The following SKIC3 variants were observed in gnomAD, a reference collection of about 807,000 sequenced individuals.
SKIC3 encodes superkiller complex protein 3.
the SKIC3 span, among the ~76,000 whole-genome samples, chr5:95,511,531 G>A: frequency 6.6e-6 from 1 of 152,164 alleles, no homozygotes; most frequent in Non-Finnish European, 1.5e-5. Context: ...GCCTAGTCTA[G>A]TGCCTCAGGC....
At chr5:95,501,197 A>G in the SKIC3 span, among the ~76,000 whole-genome samples, 8 of 152,180 alleles carry the variant, frequency 5.3e-5, no homozygotes, top group South Asian at 1.7e-3. Context: ...CAAAGGAAAA[A>G]AAATCTACCT....
the SKIC3 span, among the ~76,000 whole-genome samples, chr5:95,489,203 C>T: frequency 1.7e-4 from 26 of 151,584 alleles, no homozygotes; most frequent in Middle Eastern, 3.4e-3. Context: ...ACTTGGGAGG[C>T]GGAGGCAGGA....
At chr5:95,496,272 C>T in the SKIC3 span, among the ~76,000 whole-genome samples, 5 of 152,142 alleles carry the variant, frequency 3.3e-5, no homozygotes, top group African/African-American at 1.2e-4. Flanking sequence ...CCCTCCTTGG[C>T]CTTCCAAAGT....
chr5:95,523,144 T>C, the SKIC3 span: 1 of 1,607,328 alleles, frequency 6.2e-7, no homozygotes, highest in East Asian at 2.2e-5. Context: ...TTAAAATGCT[T>C]AATTTAAGGA....
At chr5:95,474,648 T>C in the SKIC3 span, among the ~76,000 whole-genome samples, 1 of 152,206 alleles carries the variant, frequency 6.6e-6, no homozygotes, top group African/African-American at 2.4e-5. Context: ...CTGTATTTCT[T>C]GGATTTCTAT....
At chr5:95,490,965 T>C in the SKIC3 span, 2 of 1,613,976 alleles carry the variant, frequency 1.2e-6, no homozygotes, top group African/African-American at 1.3e-5. Context: ...TTTGGCTGAG[T>C]GTTGTTCACT....
At chr5:95,478,375 A>G in the SKIC3 span, 7 of 1,613,912 alleles carry the variant, frequency 4.3e-6, no homozygotes, top group African/African-American at 1.3e-5. Context: ...TGCCAATTGT[A>G]GACTCTTTCT....
At chr5:95,551,034 G>A in the SKIC3 span, among the ~76,000 whole-genome samples, 2 of 151,960 alleles carry the variant, frequency 1.3e-5, no homozygotes, top group South Asian at 2.1e-4. Flanking sequence ...AGACAACTAA[G>A]GGTACTTATT....
At chr5:95,516,339 G>A in the SKIC3 span, 3 of 1,612,376 alleles carry the variant, frequency 1.9e-6, no homozygotes, top group Non-Finnish European at 2.5e-6. Context: ...ATGACAGACA[G>A]GCAACATATT....
At chr5:95,513,465 T>C in the SKIC3 span, 1 of 1,231,198 alleles carries the variant, frequency 8.1e-7, no homozygotes, top group Admixed American at 1.8e-5. Context: ...ATCACTGGGA[T>C]TACAGGCATA....
At chr5:95,464,674 A>T in the SKIC3 span, 15 of 1,612,806 alleles carry the variant, frequency 9.3e-6, no homozygotes, top group Non-Finnish European at 1.2e-5. Flanking sequence ...GGCATTGTTT[A>T]CCAGCACCTA....
chr5:95,490,838 T>C, the SKIC3 span: 2 of 1,592,290 alleles, frequency 1.3e-6, no homozygotes, highest in East Asian at 2.2e-5. Flanking sequence ...CTGAAGCCGT[T>C]TGTATTCTGG....
chr5:95,519,820 T>C, the SKIC3 span, among the ~76,000 whole-genome samples: 38 of 152,000 alleles, frequency 2.5e-4, no homozygotes, highest in African/African-American at 9.2e-4. Flanking sequence ...ATAGCTAAGG[T>C]ACTGTCACCC....
chr5:95,480,716 T>C, the SKIC3 span, among the ~76,000 whole-genome samples: 18 of 152,262 alleles, frequency 1.2e-4, no homozygotes, highest in East Asian at 1.9e-3. Context: ...TTATTCATGC[T>C]AGACAAAACC....
At chr5:95,509,960 A>T in the SKIC3 span, among the ~76,000 whole-genome samples, 1 of 152,222 alleles carries the variant, frequency 6.6e-6, no homozygotes, top group East Asian at 1.9e-4. Context: ...TTGAAATTAT[A>T]GTTCTTGTTA....
the SKIC3 span, among the ~76,000 whole-genome samples, chr5:95,499,539 T>C: frequency 6.6e-6 from 1 of 152,190 alleles, no homozygotes; most frequent in African/African-American, 2.4e-5. Context: ...TGAGAACTAA[T>C]ACACTAAGTT....
At chr5:95,534,011 T>C in the SKIC3 span, among the ~76,000 whole-genome samples, 3 of 152,092 alleles carry the variant, frequency 2.0e-5, no homozygotes, top group Admixed American at 1.3e-4. Flanking sequence ...AAACCATAAA[T>C]AGCTGAATAG....
the SKIC3 span, among the ~76,000 whole-genome samples, chr5:95,473,524 C>T: frequency 4.6e-5 from 7 of 152,332 alleles, no homozygotes; most frequent in East Asian, 1.3e-3. Flanking sequence ...GATCCACCCG[C>T]TTTGGCCTCC....
the SKIC3 span, chr5:95,509,699 G>T: frequency 6.4e-7 from 1 of 1,560,710 alleles, no homozygotes; most frequent in Non-Finnish European, 8.8e-7. Flanking sequence ...TAGAAAATGA[G>T]AAATATCTTC....
Sources: allele counts gnomAD v4.1 joint callset (sites outside exome capture counted in the v4.1 genomes callset), GRCh38; gene constraint gnomAD v4.1.1; transcripts MANE v1.5; gene names NCBI Gene and HGNC (gene_info 2026-07-23, HGNC 2026-07-21).